Variants in SYN3 observed in about 807,000 individuals in gnomAD.
SYN3 encodes synapsin-3.
In SYN3, 35 loss-of-function variants were observed where a neutral mutation model predicts 65.8. The ratio of observed to expected loss-of-function variants is 0.53; its 90% confidence interval spans 0.41 to 0.70. The LOEUF (loss-of-function observed/expected upper bound fraction) is 0.70, where lower values mean the gene tolerates loss of function less well. Among genes scored for constraint, SYN3 ranks in the 30% least tolerant of loss-of-function variants. SYN3 has a pLI of 0.00. For missense variants in SYN3, 680 were observed against 749.0 expected (o/e 0.91, Z 1.08); for synonymous variants, 270 against 292.9 (o/e 0.92, Z 0.80).
intron 4 of SYN3, among the ~76,000 whole-genome samples, chr22:32,878,496 C>T (rs2049038148): frequency 6.6e-6 from 1 of 152,126 alleles, no homozygotes; most frequent in South Asian, 2.1e-4. Flanking sequence ...CTCTGTAGCC[C>T]CAGCCTAGTC....
At position 32,700,365 on chromosome 22, in the gene SYN3, C is replaced by T. The variant is rs553417734; in HGVS notation, c.712-103629G>A. Among the ~76,000 whole-genome samples, 13 of 152,248 alleles carry T rather than the reference C, an allele frequency of 8.5e-5. No homozygotes were observed. The South Asian group carries it at 2.5e-3, about 29-fold the overall frequency. ...GCATTATCTGGTCCCAACTCCAGCT[C>T]CAGGATAGGATCTCTGAGCTGACAT... On this transcript the variant is annotated intron_variant, in intron 6 of 13. Transcript: ENST00000358763.
chr22:32,687,006 A>AACTGACC (rs1487981157), intron 6 of SYN3, among the ~76,000 whole-genome samples: 1 of 152,020 alleles, frequency 6.6e-6, no homozygotes, highest in Non-Finnish European at 1.5e-5. Flanking sequence ...CTCAGACCAG[A>AACTGACC]ACTGACCATT....
chr22:32,853,361 A>G (rs561989715), intron 6 of SYN3, among the ~76,000 whole-genome samples: 1 of 152,300 alleles, frequency 6.6e-6, no homozygotes, highest in East Asian at 1.9e-4. Context: ...TGAGTCCGTG[A>G]TGTACACCAG....
At chr22:32,716,338 G>T (rs894978148) in intron 6 of SYN3, among the ~76,000 whole-genome samples, 2 of 151,964 alleles carry the variant, frequency 1.3e-5, no homozygotes, top group African/African-American at 2.4e-5. Flanking sequence ...AGGCAACTAG[G>T]TATGTGGGTA....
intron 7 of SYN3, among the ~76,000 whole-genome samples, chr22:32,574,845 C>A (rs369135096): frequency 1.3e-5 from 2 of 152,344 alleles, no homozygotes; most frequent in East Asian, 1.9e-4. Context: ...TGTTTTTCCT[C>A]GCACTTAGCA....
At chr22:32,949,215 C>T (rs977431453) in intron 3 of SYN3, among the ~76,000 whole-genome samples, 14 of 151,916 alleles carry the variant, frequency 9.2e-5, no homozygotes, top group East Asian at 5.8e-4. Flanking sequence ...GAGTTTAAGA[C>T]GAGCCTGTGT....
At chr22:32,947,844 G>T (rs2051160584) in intron 3 of SYN3, among the ~76,000 whole-genome samples, 2 of 152,214 alleles carry the variant, frequency 1.3e-5, no homozygotes, top group Admixed American at 1.3e-4. Context: ...AGGTTAGCTT[G>T]GTTGGTTTCT....
At chr22:32,923,690 T>C (rs2050393918) in intron 4 of SYN3, among the ~76,000 whole-genome samples, 1 of 152,232 alleles carries the variant, frequency 6.6e-6, no homozygotes, top group Non-Finnish European at 1.5e-5. Context: ...TATTTATTTG[T>C]TTATTAAACT....
In SYN3 at chr22:32,533,267, T is replaced by A. The variant is rs569078483; in HGVS notation, c.1095+526A>T. The stretch of plus-strand genomic sequence containing the variant: ...ACCATTCCATCCCCCTTCCAAATCC[T>A]CAATGCTCTGCCACTGTTTCTCACC... On this transcript the variant is annotated intron_variant, in intron 10 of 13. Transcript: ENST00000358763. Among the ~76,000 whole-genome samples, 5 of 151,944 alleles carry A rather than the reference T, an allele frequency of 3.3e-5. No homozygotes were observed. The East Asian group carries it at 9.7e-4, about 30-fold the overall frequency.
At chr22:32,917,317 T>C (rs2050210825) in intron 4 of SYN3, among the ~76,000 whole-genome samples, 1 of 152,162 alleles carries the variant, frequency 6.6e-6, no homozygotes, top group Non-Finnish European at 1.5e-5. Context: ...GATCGTGTGA[T>C]ATGAAATCAT....
chr22:32,814,259 AAG>A (rs1569245178), intron 6 of SYN3, among the ~76,000 whole-genome samples: 2 of 114,590 alleles, frequency 1.7e-5, no homozygotes, highest in Admixed American at 9.6e-5. Context: ...GAAAGAAAGA[AAG>A]AGGGAGGGAG....
intron 6 of SYN3, among the ~76,000 whole-genome samples, chr22:32,676,540 T>C (rs1421154422): frequency 4.9e-5 from 6 of 122,852 alleles, no homozygotes; most frequent in East Asian, 2.5e-4. Flanking sequence ...TTTTTTTTTT[T>C]TTTTTTTTTT....
intron 2 of SYN3, among the ~76,000 whole-genome samples, chr22:32,987,839 G>A (rs2052573623): frequency 6.6e-6 from 1 of 152,130 alleles, no homozygotes; most frequent in South Asian, 2.1e-4. Flanking sequence ...CAGATACAGT[G>A]GCAGATGTAG....
intron 4 of SYN3, among the ~76,000 whole-genome samples, chr22:32,893,317 T>C (rs1022171048): frequency 6.6e-6 from 1 of 152,186 alleles, no homozygotes; most frequent in Non-Finnish European, 1.5e-5. Flanking sequence ...TGGAGATGCA[T>C]GAGACACATT....
intron 6 of SYN3, among the ~76,000 whole-genome samples, chr22:32,828,407 G>A (rs183331410): frequency 9.8e-5 from 15 of 152,304 alleles, no homozygotes; most frequent in Admixed American, 3.3e-4. Context: ...GCCATCTGCC[G>A]GCTGCTGTGT....
intron 7 of SYN3, among the ~76,000 whole-genome samples, chr22:32,584,469 G>A (rs13053925): frequency 0.19 from 28,673 of 152,106 alleles, 3,199 homozygotes; most frequent in South Asian, 0.33. Context: ...GAATTCTCTG[G>A]CCTTTGTTAG....
At chr22:32,857,116 A>T in intron 6 of SYN3, 1 of 739,740 alleles carries the variant, frequency 1.4e-6, no homozygotes, top group Non-Finnish European at 2.5e-6. Context: ...TGCTGCAGTC[A>T]ACATGAGAGT....
chr22:32,527,924 G>T lies in SYN3; in HGVS notation c.1312C>A (p.Pro438Thr). Residue 438 changes from proline to threonine, a missense_variant, in exon 12 of 14, where the codon CCG becomes ACG. Pro to Thr is a conservative substitution (Grantham distance 38). Coordinates refer to ENST00000358763, the MANE Select transcript of SYN3 (RefSeq NM_003490.4). ...QLGQPQPRPP[P>T]QGGPRQAQSP... ...GGCTCGTCCTGGGTCATACCTTGCG[G>T]AGGTGGGCGTGGCTGGGGCTGGCCT... is the stretch of plus-strand genomic sequence containing the variant. 6.3e-7 allele frequency: 1 copy of T among 1,588,964 alleles called. No homozygotes were observed. The highest frequency in any genetic ancestry group is 8.6e-7 in the Non-Finnish European group (1 of 1,166,472).
At chr22:32,930,660 T>C (rs1246779041) in intron 4 of SYN3, among the ~76,000 whole-genome samples, 1 of 152,204 alleles carries the variant, frequency 6.6e-6, no homozygotes, top group African/African-American at 2.4e-5. Context: ...AAGCTTTTCC[T>C]GTTTTCCCTC....
Sources: gnomAD v4.1 joint callset for allele counts (sites outside exome capture counted in the v4.1 genomes callset) on GRCh38, gnomAD v4.1.1 for gene constraint, MANE v1.5 for transcripts, NCBI Gene and HGNC (gene_info 2026-07-23, HGNC 2026-07-21) for gene names.